Variants in ELL observed in about 807,000 individuals in gnomAD.
ELL encodes elongation factor for RNA polymerase II.
Under a neutral mutation model 64.0 loss-of-function variants are expected in ELL, and 18 were observed. That is an observed-to-expected ratio of 0.28 (90% CI 0.19 to 0.42). The LOEUF (loss-of-function observed/expected upper bound fraction) is 0.42. ELL is among the 10% of genes least tolerant of loss of function. The pLI is 1.00. For synonymous variants in ELL, 399 were observed against 376.2 expected (o/e 1.06, Z -0.70); for missense variants, 797 against 870.4 (o/e 0.92, Z 1.06).
At chr19:18,446,287 G>A in intron 10 of ELL, 22 bp downstream of exon 10, 2 of 1,543,952 alleles carry the variant, frequency 1.3e-6, no homozygotes, top group East Asian at 2.4e-5. Context: ...CCAGGGCACA[G>A]TAGGCAGCGG....
chr19:18,521,999 G>A lies in ELL; in HGVS notation c.57C>T (p.Asp19=), dbSNP rs890041863. 6.2e-7 allele frequency: 1 copy of A among 1,611,144 alleles called. No individual in the cohort carries two copies. The highest frequency in any genetic ancestry group is 2.2e-5 in the East Asian group (1 of 44,452). Residue 19 remains aspartate (D), a synonymous_variant, in exon 1 of 12, where the codon GAC becomes GAT. Transcript: ENST00000262809. ...CGTGGAACACCGACACCTTGCTGCCGTCGCTAACCCGCCCGCACGACAGCC... is the reference window on the plus strand; with the variant it reads ...CGTGGAACACCGACACCTTGCTGCCATCGCTAACCCGCCCGCACGACAGCC... ...SYGLSCGRVS[D]GSKVSVFHVK... is the part of the protein sequence containing the mutation.
chr19:18,451,424 G>C, intron 7 of ELL, 128 bp downstream of exon 7: 1 of 888,144 alleles, frequency 1.1e-6, no homozygotes. Context: ...CCTGGGCGGA[G>C]GGAGGCGGCT....
chr19:18,491,249 A>ATTTTTTTT (rs565016319), intron 1 of ELL, among the ~76,000 whole-genome samples: 5 of 72,474 alleles, frequency 6.9e-5, no homozygotes, highest in Admixed American at 4.4e-4. Context: ...CACCTGGCTA[A>ATTTTTTTT]TTTTTTTTTT....
At chr19:18,467,003 G>A (rs1057391692) in intron 2 of ELL, among the ~76,000 whole-genome samples, 6 of 152,184 alleles carry the variant, frequency 3.9e-5, no homozygotes, top group Non-Finnish European at 7.4e-5. Context: ...GAGACAGGAC[G>A]GGGCTCCTGC....
At chr19:18,458,364 T>A in intron 5 of ELL, 35 bp from the exon 6 acceptor site, 1 of 1,596,758 alleles carries the variant, frequency 6.3e-7, no homozygotes, top group South Asian at 1.1e-5. Flanking sequence ...TTTGTGGGAA[T>A]CCTGAGAGAG....
At chr19:18,515,613 G>C (rs1242225888) in intron 1 of ELL, among the ~76,000 whole-genome samples, 2 of 152,258 alleles carry the variant, frequency 1.3e-5, no homozygotes, top group Admixed American at 6.5e-5. Context: ...CACAGGTGTA[G>C]GTGCCCATCA....
chr19:18,495,767 G>A (rs1270238484), intron 1 of ELL, among the ~76,000 whole-genome samples: 1 of 152,212 alleles, frequency 6.6e-6, no homozygotes, highest in Non-Finnish European at 1.5e-5. Flanking sequence ...GGGATGGGGA[G>A]GCAGGCAGGT....
At chr19:18,504,744 C>G (rs971349782) in intron 1 of ELL, among the ~76,000 whole-genome samples, 1 of 152,154 alleles carries the variant, frequency 6.6e-6, no homozygotes, top group African/African-American at 2.4e-5. Context: ...TGAGCTATAT[C>G]TCCCCCCACC....
chr19:18,504,329 G>T (rs190004671), intron 1 of ELL, among the ~76,000 whole-genome samples: 3 of 152,206 alleles, frequency 2.0e-5, no homozygotes, highest in Non-Finnish European at 4.4e-5. Context: ...TGTGACTCTC[G>T]GGATTACCCA....
chr19:18,479,096 T>C (rs1467787885), intron 1 of ELL, among the ~76,000 whole-genome samples: 2 of 152,148 alleles, frequency 1.3e-5, no homozygotes, highest in African/African-American at 2.4e-5. Flanking sequence ...AGTGACCAGT[T>C]TACAGGAAGT....
chr19:18,512,731 G>A (rs917369816), intron 1 of ELL, among the ~76,000 whole-genome samples: 4 of 152,146 alleles, frequency 2.6e-5, no homozygotes, highest in Non-Finnish European at 5.9e-5. Flanking sequence ...CTGACACCTC[G>A]TGCACAGCCA....
chr19:18,484,394 G>C (rs1399523497), intron 1 of ELL, among the ~76,000 whole-genome samples: 2 of 152,222 alleles, frequency 1.3e-5, no homozygotes, highest in African/African-American at 2.4e-5. Flanking sequence ...GAACCTGGGA[G>C]GGGGAGGTTG....
intron 1 of ELL, among the ~76,000 whole-genome samples, chr19:18,477,143 G>A (rs1975192971): frequency 6.6e-6 from 1 of 152,186 alleles, no homozygotes; most frequent in Non-Finnish European, 1.5e-5. Flanking sequence ...GAAAACAGCT[G>A]AAGAGGAAGA....
At chr19:18,457,804 CT>C (rs1394585292) in intron 6 of ELL, among the ~76,000 whole-genome samples, 1 of 152,064 alleles carries the variant, frequency 6.6e-6, no homozygotes, top group Non-Finnish European at 1.5e-5. Context: ...CCTTATTTCT[CT>C]CTACTTCAGG....
At chr19:18,463,951 A>G (rs1003675161) in intron 4 of ELL, among the ~76,000 whole-genome samples, 1 of 148,828 alleles carries the variant, frequency 6.7e-6, no homozygotes, top group East Asian at 2.0e-4. Context: ...GCGCCACTGC[A>G]CTCCAGCCTG....
At chr19:18,460,571 C>G (rs79376072) in intron 5 of ELL, among the ~76,000 whole-genome samples, 1 of 152,176 alleles carries the variant, frequency 6.6e-6, no homozygotes, top group Non-Finnish European at 1.5e-5. Context: ...TGGGGGTGGA[C>G]GAGGGCCAGG....
At chr19:18,466,733 G>A (rs1974944585) in intron 2 of ELL, among the ~76,000 whole-genome samples, 2 of 152,206 alleles carry the variant, frequency 1.3e-5, no homozygotes, top group Non-Finnish European at 2.9e-5. Context: ...CTAAACTAAT[G>A]CCTGGGCTTT....
At chr19:18,462,112 T>G (rs1974829199) in intron 4 of ELL, among the ~76,000 whole-genome samples, 1 of 151,998 alleles carries the variant, frequency 6.6e-6, no homozygotes, top group Non-Finnish European at 1.5e-5. Flanking sequence ...AGAGCCTTAC[T>G]TACTTCATCA....
intron 11 of ELL, 152 bp from the exon 12 acceptor site, chr19:18,445,020 C>T (rs1393712805): frequency 3.5e-5 from 38 of 1,080,680 alleles, no homozygotes; most frequent in Admixed American, 3.0e-4. Context: ...GTTGGTCCCC[C>T]GCACCTCCAC....
Sources: allele counts gnomAD v4.1 joint callset (sites outside exome capture counted in the v4.1 genomes callset), GRCh38; gene constraint gnomAD v4.1.1; transcripts MANE v1.5; gene names NCBI Gene and HGNC (gene_info 2026-07-23, HGNC 2026-07-21).